Variants in ESRRG observed in about 807,000 individuals in gnomAD.
ESRRG encodes the protein estrogen-related receptor gamma.
ESRRG carries 13 observed loss-of-function variants against 44.0 expected under a neutral mutation model. The ratio of observed to expected loss-of-function variants is 0.30; its 90% CI spans 0.19 to 0.47. The LOEUF (loss-of-function observed/expected upper bound fraction) is 0.47, where lower values mean the gene tolerates loss of function less well. ESRRG is among the 20% of genes least tolerant of loss of function. ESRRG has a pLI of 1.00. For synonymous variants in ESRRG, 215 were observed against 214.6 expected (o/e 1.00, Z -0.02); for missense variants, 395 against 580.6 (o/e 0.68, Z 3.29).
At chr1:216,595,226 T>C (rs1269215513) in intron 3 of ESRRG, among the ~76,000 whole-genome samples, 1 of 152,230 alleles carries the variant, frequency 6.6e-6, no homozygotes, top group Non-Finnish European at 1.5e-5. Context: ...TTTTTCAAAG[T>C]TGATATTATT....
chr1:216,809,502 A>C (rs2094903932), intron 2 of ESRRG, among the ~76,000 whole-genome samples: 1 of 152,178 alleles, frequency 6.6e-6, no homozygotes, highest in African/African-American at 2.4e-5. Context: ...GAGTGATAGC[A>C]ACATTTTTAT....
chr1:217,124,213 A>C (rs2092860776), intron 1 of ESRRG, among the ~76,000 whole-genome samples: 1 of 152,202 alleles, frequency 6.6e-6, no homozygotes, highest in African/African-American at 2.4e-5. Context: ...CTTTGAACGG[A>C]AGACACCAAC....
At chr1:216,959,271 T>C (rs2068562317) in intron 1 of ESRRG, among the ~76,000 whole-genome samples, 1 of 152,100 alleles carries the variant, frequency 6.6e-6, no homozygotes, top group South Asian at 2.1e-4. Context: ...ATTTGAACTC[T>C]TTACCAACTT....
intron 2 of ESRRG, among the ~76,000 whole-genome samples, chr1:216,843,865 C>T (rs1204429860): frequency 3.0e-5 from 4 of 135,206 alleles, no homozygotes; most frequent in Non-Finnish European, 4.5e-5. Flanking sequence ...CTCATTCTTT[C>T]TTCCTTTTTT....
intron 2 of ESRRG, among the ~76,000 whole-genome samples, chr1:216,745,485 C>T (rs1306538575): frequency 1.3e-5 from 2 of 152,130 alleles, no homozygotes; most frequent in African/African-American, 4.8e-5. Context: ...GCCACCATGC[C>T]CAATATGTTT....
chr1:216,653,125 A>T (rs998894456), intron 2 of ESRRG, among the ~76,000 whole-genome samples: 2 of 152,184 alleles, frequency 1.3e-5, no homozygotes, highest in African/African-American at 4.8e-5. Flanking sequence ...TACCAGGATG[A>T]TCCACTGCCA....
intron 1 of ESRRG, among the ~76,000 whole-genome samples, chr1:217,051,762 C>T (rs1291981272): frequency 6.6e-6 from 1 of 152,088 alleles, no homozygotes; most frequent in Non-Finnish European, 1.5e-5. Context: ...GCCCTCCCAT[C>T]CCCATACTCC....
Position 217,012,641 on chromosome 1 carries a change from G to T in ESRRG, c.-105-72968C>A, listed in dbSNP as rs556865243. Among the ~76,000 whole-genome samples, 17 of 152,230 alleles carry T rather than the reference G, an allele frequency of 1.1e-4. No homozygotes were observed. The South Asian group carries it at 3.5e-3, about 32-fold the overall frequency. On this transcript the variant is annotated intron_variant, in intron 1 of 7. Transcript: ENST00000359162. ...CTTCTTCCGTCCTTTCCTTCCACAG[G>T]TTCCTCAAGCTGCCTCTCCCCACTG...
intron 1 of ESRRG, among the ~76,000 whole-genome samples, chr1:217,032,547 G>A (rs1335660598): frequency 3.3e-5 from 5 of 152,248 alleles, no homozygotes; most frequent in Admixed American, 1.3e-4. Context: ...TGGAGATAAC[G>A]TAGAACTCAA....
At chr1:216,860,633 A>C (rs2096035594) in intron 2 of ESRRG, among the ~76,000 whole-genome samples, 2 of 152,212 alleles carry the variant, frequency 1.3e-5, no homozygotes, top group Admixed American at 1.3e-4. Flanking sequence ...GTCAACTGAG[A>C]ATTTGAAATA....
upstream of ESRRG, among the ~76,000 whole-genome samples, chr1:217,093,466 GA>G (rs34901925): frequency 4.5e-4 from 67 of 149,898 alleles, no homozygotes; most frequent in African/African-American, 1.1e-3. Context: ...GGCAGCTCAG[GA>G]AAAAAAAAAT....
chr1:217,036,826 A>G (rs751532016), intron 1 of ESRRG, among the ~76,000 whole-genome samples: 2 of 86,682 alleles, frequency 2.3e-5, no homozygotes, highest in Non-Finnish European at 6.2e-5. Flanking sequence ...GTAAAAAAAA[A>G]GAAAAGAAAG....
chr1:217,035,139 A>G lies in ESRRG; in HGVS notation c.-106+54368T>C, dbSNP rs188370577. On this transcript the variant is annotated intron_variant, in intron 1 of 7. Coordinates refer to the ESRRG transcript ENST00000359162. ...GTTTCATCATTGTTGAAGTAGGAGT[A>G]ATAATATCTACCTCATCAGGATTGA... 6.6e-5 allele frequency among the ~76,000 whole-genome samples: 10 copies of G among 152,176 alleles called. No homozygotes were observed. The East Asian group carries it at 1.9e-3, about 29-fold the overall frequency.
At chr1:216,713,374 A>C (rs910723036) in intron 1 of ESRRG, among the ~76,000 whole-genome samples, 6 of 152,088 alleles carry the variant, frequency 3.9e-5, no homozygotes, top group African/African-American at 9.7e-5. Context: ...AAAAAAAAAA[A>C]AAAAAGATTT....
intron 5 of ESRRG, among the ~76,000 whole-genome samples, chr1:216,537,421 AC>A (rs920781657): frequency 6.6e-6 from 1 of 152,082 alleles, no homozygotes; most frequent in Non-Finnish European, 1.5e-5. Flanking sequence ...GCCCAAACGG[AC>A]TAGAACACTA....
intron 2 of ESRRG, among the ~76,000 whole-genome samples, chr1:216,908,638 C>T (rs570323469): frequency 1.1e-4 from 16 of 152,132 alleles, no homozygotes; most frequent in Middle Eastern, 6.8e-3. Context: ...AGAGTCCCCT[C>T]AAATCATCTT....
Position 216,576,049 on chromosome 1 carries a change from T to C in ESRRG, c.590-7951A>G, listed in dbSNP as rs903689649. Among the ~76,000 whole-genome samples the C allele has an allele frequency of 7.2e-5, 11 of 152,078 alleles. No individual in the cohort carries two copies. The East Asian group carries it at 1.3e-3, about 19-fold the overall frequency. The stretch of plus-strand genomic sequence containing the variant: ...TGAGGCAGAGACTGAGGGATATTAA[T>C]TTCCCTGCTCCTGGTCTTCACTGCA... On this transcript the variant is annotated intron_variant, in intron 3 of 6. Transcript: ENST00000408911.
At chr1:216,695,347 AAACTGGTGCTATCTGAGAAGTCCATG>A (rs1453104601) in intron 1 of ESRRG, among the ~76,000 whole-genome samples, 2 of 152,282 alleles carry the variant, frequency 1.3e-5, no homozygotes, top group East Asian at 3.9e-4. Flanking sequence ...AATATGAGTA[AAACTGGTGCTATCTGAGAAGTCCATG>A]AACTGCAATT....
At chr1:216,697,995 C>T (rs115969842) in intron 1 of ESRRG, among the ~76,000 whole-genome samples, 473 of 152,252 alleles carry the variant, frequency 3.1e-3, no homozygotes, top group African/African-American at 0.011. Flanking sequence ...TAGCTGCTGG[C>T]CACACCCTAG....
Sources: gnomAD v4.1 joint callset for allele counts (sites outside exome capture counted in the v4.1 genomes callset) on GRCh38, gnomAD v4.1.1 for gene constraint, MANE v1.5 for transcripts, NCBI Gene and HGNC (gene_info 2026-07-23, HGNC 2026-07-21) for gene names.